The following ANKRD36B variants were observed in gnomAD, a reference collection of about 807,000 sequenced individuals.
ANKRD36B encodes the protein ankyrin repeat domain-containing protein 36B.
ANKRD36B carries 37 observed loss-of-function variants against 135.7 expected under a neutral mutation model. That is an observed-to-expected ratio of 0.27 (90% CI 0.21 to 0.36). The LOEUF is 0.36. Among genes scored for constraint, ANKRD36B ranks in the 10% least tolerant of loss-of-function variants. ANKRD36B has a pLI of 1.00. For missense variants in ANKRD36B, 549 were observed against 1,037.1 expected, an observed-to-expected ratio of 0.53 and a Z score of 6.46; for synonymous variants, 179 against 348.1, an observed-to-expected ratio of 0.51 and a Z score of 5.41.
chr2:97,557,660 A>T (rs1388773239), intron 10 of ANKRD36B, among the ~76,000 whole-genome samples: 6 of 151,824 alleles, frequency 4.0e-5, no homozygotes, highest in Non-Finnish European at 5.9e-5. Context: ...CCCAGCTTCA[A>T]CAGCTTGGAT....
chr2:97,562,532 C>A (rs897149561), intron 6 of ANKRD36B, among the ~76,000 whole-genome samples: 1 of 152,012 alleles, frequency 6.6e-6, no homozygotes, highest in Non-Finnish European at 1.5e-5. Context: ...GTAACTTCTG[C>A]TTCTGCTTTC....
intron 43 of ANKRD36B, among the ~76,000 whole-genome samples, chr2:97,494,394 C>A (rs1262526694): frequency 2.8e-5 from 3 of 106,098 alleles, no homozygotes; most frequent in Admixed American, 2.6e-4. Flanking sequence ...GGTGAAGAGA[C>A]AACGGGTATG....
chr2:97,567,417 AATC>A (rs760017459), intron 6 of ANKRD36B, among the ~76,000 whole-genome samples: 241 of 151,716 alleles, frequency 1.6e-3, no homozygotes, highest in Non-Finnish European at 3.0e-3. Flanking sequence ...CCAACCCTCT[AATC>A]ACACCCTGAT....
intron 6 of ANKRD36B, among the ~76,000 whole-genome samples, chr2:97,562,085 C>T (rs2081074441): frequency 6.6e-6 from 1 of 151,884 alleles, no homozygotes; most frequent in South Asian, 2.1e-4. Flanking sequence ...TTCCTGGATT[C>T]AGCAGTTCTA....
At chr2:97,573,521 A>T (rs1290506982) in intron 6 of ANKRD36B, among the ~76,000 whole-genome samples, 2 of 152,184 alleles carry the variant, frequency 1.3e-5, no homozygotes, top group African/African-American at 4.8e-5. Flanking sequence ...CTTTCTTCAC[A>T]GAATTGGAAA....
chr2:97,570,622 A>G (rs2081779403), intron 6 of ANKRD36B, among the ~76,000 whole-genome samples: 1 of 152,136 alleles, frequency 6.6e-6, no homozygotes, highest in African/African-American at 2.4e-5. Context: ...AATATTGCCC[A>G]TGTGCTGTCA....
rs781109586 is a variant in ANKRD36B, at chr2:97,580,594, A to G, written c.451-26T>C. 7.2e-6 allele frequency: 11 copies of G among 1,527,900 alleles called. No individual in the cohort carries two copies. In the South Asian group the frequency reaches 1.2e-4, roughly 17 times the overall value. 94.6% of individuals were successfully genotyped at this position (1,527,900 alleles called of 1,614,324 possible). On this transcript the variant is annotated intron_variant, in intron 3 of 43. Transcript: ENST00000359901. ...CTGTAAAATAACAGCAACAATTTAT[A>G]ATCACAAAATTACATATTTATCAAC...
chr2:97,546,763 A>T (rs781373829), intron 22 of ANKRD36B, among the ~76,000 whole-genome samples: 13 of 151,694 alleles, frequency 8.6e-5, no homozygotes, highest in Non-Finnish European at 1.5e-4. Flanking sequence ...TGAAATAGCT[A>T]TTTCATCCAA....
chr2:97,546,475 G>C (rs1255402060), intron 22 of ANKRD36B, among the ~76,000 whole-genome samples: 1 of 151,606 alleles, frequency 6.6e-6, no homozygotes, highest in African/African-American at 2.4e-5. Context: ...TAAGTTTCTT[G>C]TATCCACTAG....
chr2:97,527,501 G>A lies in ANKRD36B; in HGVS notation c.2266-4034C>T, dbSNP rs577817201. 1.3e-4 allele frequency among the ~76,000 whole-genome samples: 12 copies of A among 91,294 alleles called. 1 individual carries two copies. In the South Asian group the frequency reaches 2.8e-3, roughly 21 times the overall value. 59.9% of individuals were successfully genotyped at this position (91,294 alleles called of 152,430 possible). A position where few individuals can be genotyped will look rare whatever the true frequency, so the allele number is the denominator to read the frequency against. On this transcript the variant is annotated intron_variant, in intron 35 of 43. Coordinates refer to ENST00000359901, the MANE Select transcript of ANKRD36B (RefSeq NM_001393939.1). ...CTAGGAAGAAACTGCATTAACTAAC[G>A]AGCAAAATAACTAGCTAACATCATA... is the stretch of plus-strand genomic sequence containing the variant.
chr2:97,547,347 C>T (rs13033336), intron 22 of ANKRD36B, 189 bp downstream of exon 22: 384,543 of 675,772 alleles, frequency 0.57, 116,396 homozygotes, highest in Non-Finnish European at 0.64. Context: ...AAGTGTATAA[C>T]CTTACTGCGA....
At position 97,525,701 on chromosome 2, in the gene ANKRD36B, A is replaced by T. The variant is rs1294321865; in HGVS notation, c.2266-2234T>A. Among the ~76,000 whole-genome samples, 12 of 97,394 alleles carry T rather than the reference A, an allele frequency of 1.2e-4. 5 individuals carry two copies. Among genetic ancestry groups the T allele is most frequent in the Non-Finnish European group, 3.0e-4 (11 of 36,414 alleles). 63.9% of individuals were successfully genotyped at this position (97,394 alleles called of 152,430 possible). A position where few individuals can be genotyped will look rare whatever the true frequency, so the allele number is the denominator to read the frequency against. ...TGGAAAATTGGGTTACTCCCACCCTAATACTGCACTTTTCCAATGGGCTTA... is the reference window on the plus strand; with the variant it reads ...TGGAAAATTGGGTTACTCCCACCCTTATACTGCACTTTTCCAATGGGCTTA... On this transcript the variant is annotated intron_variant, in intron 35 of 43. Transcript: ENST00000359901.
At chr2:97,587,653 GA>G (rs2083112599) in intron 1 of ANKRD36B, among the ~76,000 whole-genome samples, 1 of 152,144 alleles carries the variant, frequency 6.6e-6, no homozygotes, top group African/African-American at 2.4e-5. Context: ...ATTTCCTAGA[GA>G]TATTTTAGTA....
chr2:97,538,091 C>T (rs2078979679), intron 32 of ANKRD36B, 77 bp downstream of exon 32: 2 of 848,916 alleles, frequency 2.4e-6, no homozygotes, highest in South Asian at 2.7e-5. Context: ...AATGAGCCCC[C>T]TGCTGATCTA....
At chr2:97,565,682 C>T (rs1047680751) in intron 6 of ANKRD36B, among the ~76,000 whole-genome samples, 16 of 151,896 alleles carry the variant, frequency 1.1e-4, no homozygotes, top group Non-Finnish European at 2.1e-4. Context: ...GAAAGGCAAT[C>T]GTTAAAAGGT....
At position 97,581,603 on chromosome 2, in the gene ANKRD36B, G is replaced by C. The variant is rs978965019; in HGVS notation, c.451-1035C>G. ...AAATATTTATGTAATTATAATCTTA[G>C]GACCCTGGTACATAACTCCTTTAAA... On this transcript the variant is annotated intron_variant, in intron 3 of 43. Coordinates refer to ENST00000359901, the MANE Select transcript of ANKRD36B (RefSeq NM_001393939.1). Among the ~76,000 whole-genome samples, 4 of 151,586 alleles carry C rather than the reference G, an allele frequency of 2.6e-5. 1 individual carries two copies. The East Asian group carries it at 7.7e-4, about 29-fold the overall frequency.
intron 10 of ANKRD36B, among the ~76,000 whole-genome samples, chr2:97,558,433 T>A (rs1336782384): frequency 6.6e-6 from 1 of 151,934 alleles, no homozygotes; most frequent in Non-Finnish European, 1.5e-5. Context: ...TACCATAATT[T>A]CTCCATCTGT....
chr2:97,549,736 T>TTC lies in ANKRD36B; in HGVS notation c.1376-124_1376-123dup. 2.6e-6 allele frequency: 4 copies of TTC among 1,539,970 alleles called. No homozygotes were observed. In the South Asian group the frequency reaches 4.6e-5, roughly 18 times the overall value. On this transcript the variant is annotated intron_variant, in intron 18 of 43. Transcript: ENST00000359901. ...CTGTATTAGCGTAGGCTTTGATGGC[T>TTC]TCTACTTTGTGTCTGCGGACTAGAA...
chr2:97,569,830 A>C (rs2081714861), intron 6 of ANKRD36B, among the ~76,000 whole-genome samples: 1 of 152,146 alleles, frequency 6.6e-6, no homozygotes. Context: ...TTTGAAACAC[A>C]ATATAAATAT....
Sources: allele counts gnomAD v4.1 joint callset (sites outside exome capture counted in the v4.1 genomes callset), GRCh38; gene constraint gnomAD v4.1.1; transcripts MANE v1.5; gene names NCBI Gene and HGNC (gene_info 2026-07-23, HGNC 2026-07-21).